Variants in ANKS1B observed in about 807,000 individuals in gnomAD.
ANKS1B encodes ankyrin repeat and sterile alpha motif domain-containing protein 1B.
ANKS1B carries 36 observed loss-of-function variants against 148.3 expected under a neutral mutation model. The ratio of observed to expected loss-of-function variants is 0.24; its 90% CI spans 0.19 to 0.32. The LOEUF is 0.32. ANKS1B is among the 10% of genes least tolerant of loss of function. The probability of loss-of-function intolerance (pLI) is 1.00; values close to 1 mark genes in which losing one functional copy is unlikely to be tolerated. For missense variants in ANKS1B, 1,157 were observed against 1,542.6 expected (o/e 0.75, Z 4.19); for synonymous variants, 542 against 560.8 (o/e 0.97, Z 0.47).
At chr12:99,083,206 C>T (rs10777954) in intron 16 of ANKS1B, among the ~76,000 whole-genome samples, 99,815 of 151,982 alleles carry the variant, frequency 0.66, 33,038 homozygotes, top group East Asian at 0.89. Flanking sequence ...GAAATAGTGG[C>T]TAATATTTAC....
At chr12:99,371,172 G>A (rs1204314349) in intron 12 of ANKS1B, among the ~76,000 whole-genome samples, 1 of 152,044 alleles carries the variant, frequency 6.6e-6, no homozygotes, top group Non-Finnish European at 1.5e-5. Context: ...ATGGCATTTA[G>A]AGCCTGTATG....
chr12:99,563,428 ATTG>A (rs2097357563), intron 9 of ANKS1B, among the ~76,000 whole-genome samples: 1 of 152,074 alleles, frequency 6.6e-6, no homozygotes, highest in Admixed American at 6.6e-5. Flanking sequence ...TAATTTCTAT[ATTG>A]TTGTGTCTCA....
At chr12:99,584,912 G>A (rs148654120) in intron 9 of ANKS1B, among the ~76,000 whole-genome samples, 2 of 151,984 alleles carry the variant, frequency 1.3e-5, no homozygotes, top group Admixed American at 1.3e-4. Flanking sequence ...GGGGATTATG[G>A]GAGCTACAAT....
intron 17 of ANKS1B, among the ~76,000 whole-genome samples, chr12:98,914,086 G>A (rs2099790649): frequency 1.3e-5 from 2 of 152,134 alleles, no homozygotes; most frequent in Admixed American, 1.3e-4. Context: ...GGTGTTGGAG[G>A]TGGAATCTGG....
chr12:98,869,661 C>T (rs2099642977), intron 17 of ANKS1B, among the ~76,000 whole-genome samples: 1 of 70,502 alleles, frequency 1.4e-5, no homozygotes, highest in Non-Finnish European at 2.6e-5. Flanking sequence ...ACAAATTACA[C>T]AAAATTGTGT....
chr12:99,016,210 G>A (rs968338791), intron 17 of ANKS1B, among the ~76,000 whole-genome samples: 2 of 152,174 alleles, frequency 1.3e-5, no homozygotes, highest in African/African-American at 4.8e-5. Flanking sequence ...AAGGATCTTT[G>A]AGAAAATTCT....
intron 20 of ANKS1B, among the ~76,000 whole-genome samples, chr12:98,803,496 T>C (rs992295834): frequency 2.6e-5 from 4 of 152,190 alleles, no homozygotes; most frequent in African/African-American, 4.8e-5. Flanking sequence ...CGTGGAATGA[T>C]ACAAAAGGAG....
chr12:98,768,101 T>C (rs1204588504), intron 25 of ANKS1B, among the ~76,000 whole-genome samples: 2 of 152,190 alleles, frequency 1.3e-5, no homozygotes, highest in Non-Finnish European at 2.9e-5. Context: ...GGGAAGCTTT[T>C]GTTCTACAGT....
intron 14 of ANKS1B, among the ~76,000 whole-genome samples, chr12:99,190,162 T>C (rs1040467614): frequency 6.6e-6 from 1 of 152,102 alleles, no homozygotes. Context: ...CAAGGAGAAC[T>C]ACAAACCACT....
At chr12:99,024,660 A>T (rs761358628) in intron 17 of ANKS1B, among the ~76,000 whole-genome samples, 2 of 152,090 alleles carry the variant, frequency 1.3e-5, no homozygotes, top group Non-Finnish European at 2.9e-5. Flanking sequence ...GTATATTATG[A>T]TGTTTTGACA....
chr12:99,775,301 GAAAAACACATTTAAGAA>G (rs1158382364), intron 7 of ANKS1B, among the ~76,000 whole-genome samples: 172 of 152,046 alleles, frequency 1.1e-3, no homozygotes, highest in African/African-American at 3.9e-3. Flanking sequence ...TAAAGCTGGG[GAAAAACACATTTAAGAA>G]AAAAACACAT....
At chr12:99,450,889 T>G (rs1394232489) in intron 10 of ANKS1B, among the ~76,000 whole-genome samples, 2 of 152,084 alleles carry the variant, frequency 1.3e-5, no homozygotes, top group African/African-American at 2.4e-5. Context: ...TCAAAGAAAA[T>G]CCAAATGAGA....
rs763736713 is a variant in ANKS1B at position 98,751,322 on chromosome 12, G to GT, written c.3747+32dup. ...GCAGCCCCTTTTCCTCCTGTTCAAG[G>GT]TTTTTTAGAACATCTGTATCGTTTC... On this transcript the variant is annotated intron_variant, in intron 26 of 26. Transcript: ENST00000683438. This position sits in a 1 kb window ranked among gnomAD's most constrained non-coding sequence, Gnocchi z 4.3. 32 of 1,607,744 alleles carry GT rather than the reference G, an allele frequency of 2.0e-5. No individual in the cohort carries two copies. Among genetic ancestry groups the GT allele is most frequent in the Non-Finnish European group, 2.5e-5 (30 of 1,177,188 alleles).
At chr12:98,947,435 T>C (rs2099847166) in intron 17 of ANKS1B, among the ~76,000 whole-genome samples, 1 of 152,108 alleles carries the variant, frequency 6.6e-6, no homozygotes. Flanking sequence ...ATTTCCTGAG[T>C]ATAGGGGAAT....
At chr12:99,264,082 A>G (rs1321556425) in intron 12 of ANKS1B, among the ~76,000 whole-genome samples, 1 of 152,098 alleles carries the variant, frequency 6.6e-6, no homozygotes, top group Non-Finnish European at 1.5e-5. Context: ...ATCTATCTAG[A>G]TTCTTATATG....
At position 99,183,216 on chromosome 12, in the gene ANKS1B, T is replaced by G. The variant is rs552847981; in HGVS notation, c.2420-28821A>C. ...TGACCTTCATTCCCTAATGTTTTTA[T>G]GGATGATCTAGATATCACAAGACAC... On this transcript the variant is annotated intron_variant, in intron 14 of 26. Coordinates refer to ENST00000683438, the MANE Select transcript of ANKS1B (RefSeq NM_001352186.2). Among the ~76,000 whole-genome samples the G allele has an allele frequency of 7.2e-5, 11 of 152,330 alleles. No homozygotes were observed. The South Asian group carries it at 2.1e-3, about 29-fold the overall frequency.
intron 2 of ANKS1B, among the ~76,000 whole-genome samples, chr12:99,823,804 A>G (rs2082815860): frequency 1.3e-5 from 2 of 152,190 alleles, no homozygotes; most frequent in South Asian, 4.1e-4. Flanking sequence ...TCTTCTGCAT[A>G]TGGTTATCCA....
chr12:98,943,961 A>G (rs1429629392), intron 17 of ANKS1B, among the ~76,000 whole-genome samples: 1 of 152,186 alleles, frequency 6.6e-6, no homozygotes, highest in Non-Finnish European at 1.5e-5. Context: ...CCCCTTGGTG[A>G]TGAATGAGTT....
At chr12:99,134,082 G>A (rs1212376613) in intron 15 of ANKS1B, among the ~76,000 whole-genome samples, 1 of 152,090 alleles carries the variant, frequency 6.6e-6, no homozygotes, top group Non-Finnish European at 1.5e-5. Context: ...GAAATATCTG[G>A]AACTGTGGCT....
Sources: allele counts gnomAD v4.1 joint callset (sites outside exome capture counted in the v4.1 genomes callset), GRCh38; gene constraint gnomAD v4.1.1; non-coding constraint Gnocchi (gnomAD v3.1); transcripts MANE v1.5; gene names NCBI Gene and HGNC (gene_info 2026-07-23, HGNC 2026-07-21).